Variants in LRP5 observed in about 807,000 individuals in gnomAD.
The protein encoded by LRP5 is LDL receptor related protein 5.
A neutral mutation model predicts 154.1 loss-of-function variants in LRP5; 62 were observed. The observed-to-expected ratio is 0.40, with a 90% CI of 0.33 to 0.50. The LOEUF (loss-of-function observed/expected upper bound fraction) is 0.50. LRP5 is among the 20% of genes least tolerant of loss of function. LRP5 has a pLI of 0.55. For synonymous variants in LRP5, 966 were observed against 1,011.5 expected (o/e 0.96, Z 0.85); for missense variants, 1,915 against 2,336.7 (o/e 0.82, Z 3.72).
Position 68,406,829 on chromosome 11 carries a change from A to C in LRP5, c.2091+16A>C. On this transcript the variant is annotated intron_variant, in intron 9 of 22. Coordinates refer to ENST00000294304, the MANE Select transcript of LRP5 (RefSeq NM_002335.4). Reference sequence around the variant, plus strand: ...CAGCCTGAAGGTAGCGTGGGCCAGAACGTGCACACAGGCAGCCTTTATGGG... The same window carrying C: ...CAGCCTGAAGGTAGCGTGGGCCAGACCGTGCACACAGGCAGCCTTTATGGG... 1 of 1,613,084 alleles carries C rather than the reference A, an allele frequency of 6.2e-7. No individual in the cohort carries two copies.
chr11:68,400,663 G>T (rs927402232), intron 7 of LRP5, among the ~76,000 whole-genome samples: 1 of 152,146 alleles, frequency 6.6e-6, no homozygotes, highest in Non-Finnish European at 1.5e-5. Context: ...GGGAGGCAAA[G>T]GTTGCAGTGA....
chr11:68,343,901 C>T (rs773855324), intron 1 of LRP5, among the ~76,000 whole-genome samples: 13 of 151,926 alleles, frequency 8.6e-5, no homozygotes, highest in African/African-American at 2.2e-4. Flanking sequence ...CTGAATGTGC[C>T]GGGGCCTGGG....
At chr11:68,421,357 G>A (rs559666944) in intron 13 of LRP5, among the ~76,000 whole-genome samples, 3 of 152,218 alleles carry the variant, frequency 2.0e-5, no homozygotes, top group South Asian at 2.1e-4. Flanking sequence ...AGGGTGTCAC[G>A]TCACACAGTA....
At chr11:68,299,036 T>C in the LRP5 span, among the ~76,000 whole-genome samples, 3 of 152,312 alleles carry the variant, frequency 2.0e-5, no homozygotes, top group Admixed American at 2.0e-4. Flanking sequence ...CGTCCCGATC[T>C]TGCCCCTACA....
chr11:68,357,541 G>A (rs2098624106), intron 2 of LRP5, 109 bp from the exon 3 acceptor site: 2 of 1,035,004 alleles, frequency 1.9e-6, no homozygotes, highest in Non-Finnish European at 3.0e-6. Context: ...TCCGATGGGT[G>A]AGATTTTAGG....
intron 5 of LRP5, among the ~76,000 whole-genome samples, chr11:68,374,776 C>G (rs1000451697): frequency 1.3e-5 from 2 of 152,184 alleles, no homozygotes; most frequent in Non-Finnish European, 1.5e-5. Flanking sequence ...CGCAGCTGTG[C>G]TCTTCTGCTT....
In LRP5 at chr11:68,434,917, A is replaced by AT. The variant is rs144494880; in HGVS notation, c.4000+1080dup. Among the ~76,000 whole-genome samples the AT allele has an allele frequency of 2.0e-3, 305 of 152,386 alleles. 4 individuals carry two copies. Among genetic ancestry groups the AT allele is most frequent in the African/African-American group, 7.1e-3 (296 of 41,598 alleles). ...TCCCTGCATGTTTTTCTATAAAGGC[A>AT]TAGTGGTTAAGTCCTTCCAGCTCAT... On this transcript the variant is annotated intron_variant, in intron 18 of 22. Coordinates refer to ENST00000294304, the MANE Select transcript of LRP5 (RefSeq NM_002335.4).
chr11:68,404,401 T>G, intron 8 of LRP5: 1 of 511,148 alleles, frequency 2.0e-6, no homozygotes, highest in Non-Finnish European at 3.8e-6. Flanking sequence ...TGCTGCTGCA[T>G]TGCCTGCAGT....
the LRP5 span, among the ~76,000 whole-genome samples, chr11:68,303,991 G>A: frequency 1.4e-4 from 21 of 152,340 alleles, no homozygotes; most frequent in African/African-American, 3.8e-4. Flanking sequence ...AGTTCAAGCC[G>A]GCAGTGGAGT....
Position 68,426,157 on chromosome 11 carries a change from G to A in LRP5, c.3607G>A (p.Ala1203Thr). 6.2e-7 allele frequency: 1 copy of A among 1,612,524 alleles called. No homozygotes were observed. Among genetic ancestry groups the A allele is most frequent in the Non-Finnish European group, 8.5e-7 (1 of 1,180,002 alleles). Reference sequence around the variant, plus strand: ...TGTCGCCCACCTCACTGGCATCCATGCAGTGGAGGAAGTCAGCCTGGAGGA... The same window carrying A: ...TGTCGCCCACCTCACTGGCATCCATACAGTGGAGGAAGTCAGCCTGGAGGA... ...GRVAHLTGIH[A>T]VEEVSLEEFS... The change falls in exon 16 of 23, where the codon GCA (alanine) becomes ACA (threonine). Residue 1203 changes from alanine to threonine, a missense_variant. Coordinates refer to ENST00000294304, the MANE Select transcript of LRP5 (RefSeq NM_002335.4).
At chr11:68,417,970 G>A (rs939270810) in intron 13 of LRP5, among the ~76,000 whole-genome samples, 2 of 151,940 alleles carry the variant, frequency 1.3e-5, no homozygotes, top group Non-Finnish European at 2.9e-5. Flanking sequence ...GTGCTGTAGC[G>A]GAAGTGAGCA....
chr11:68,413,005 C>T lies in LRP5; in HGVS notation c.2504-684C>T, dbSNP rs1451936591. The T allele has an allele frequency of 5.6e-6, 1 of 179,940 alleles. No individual in the cohort carries two copies. The highest frequency in any genetic ancestry group is 1.2e-5 in the Non-Finnish European group (1 of 84,076). The allele number at this position is 179,940 out of a possible 1,614,324, so 11.1% of individuals were successfully genotyped here. ...CAGTTGAACCCCGTGTCCTGGTTGT[C>T]GCTGGGGGTGGGCTGCACCCTGACT... On this transcript the variant is annotated intron_variant, in intron 11 of 22. Transcript: ENST00000294304. The surrounding 1 kb of genome is among the most constrained non-coding windows in gnomAD (Gnocchi z 5.1).
Position 68,375,582 on chromosome 11 carries a change from G to T in LRP5, c.1015+9880G>T, listed in dbSNP as rs372670344. Among the ~76,000 whole-genome samples the T allele has an allele frequency of 7.2e-5, 11 of 152,216 alleles. No homozygotes were observed. The East Asian group carries it at 1.3e-3, about 19-fold the overall frequency. On this transcript the variant is annotated intron_variant, in intron 5 of 22. Coordinates refer to ENST00000294304, the MANE Select transcript of LRP5 (RefSeq NM_002335.4). ...GCGCAGCCCTCTGAGAGTGTGGCAG[G>T]TGCACCAGGCTCTGCTCTAGGGAGC...
intron 7 of LRP5, among the ~76,000 whole-genome samples, chr11:68,402,740 T>C (rs1175242955): frequency 2.0e-5 from 3 of 152,222 alleles, no homozygotes; most frequent in Non-Finnish European, 4.4e-5. Flanking sequence ...CAGGCATTGC[T>C]AATTGATCCC....
upstream of LRP5, among the ~76,000 whole-genome samples, chr11:68,311,054 C>T (rs867998639): frequency 6.6e-6 from 1 of 152,010 alleles, no homozygotes; most frequent in African/African-American, 2.4e-5. Flanking sequence ...CAAGTGGGGA[C>T]GCATGAGTGG....
At chr11:68,317,779 G>T (rs1387650312) in intron 1 of LRP5, among the ~76,000 whole-genome samples, 3 of 152,142 alleles carry the variant, frequency 2.0e-5, no homozygotes, top group African/African-American at 4.8e-5. Flanking sequence ...TGGTGTGCCA[G>T]AGCCCGTGGC....
chr11:68,376,607 A>C (rs767514166), intron 5 of LRP5, among the ~76,000 whole-genome samples: 17 of 152,156 alleles, frequency 1.1e-4, no homozygotes, highest in Non-Finnish European at 2.2e-4. Context: ...TTCTCCACAG[A>C]GTTTCCATGT....
At chr11:68,435,167 G>T (rs544807284) in intron 18 of LRP5, among the ~76,000 whole-genome samples, 1 of 152,208 alleles carries the variant, frequency 6.6e-6, no homozygotes, top group Non-Finnish European at 1.5e-5. Context: ...CAGACCTCAC[G>T]TCTGGCCCTT....
intron 7 of LRP5, among the ~76,000 whole-genome samples, chr11:68,402,469 C>G (rs1234533525): frequency 2.0e-5 from 3 of 152,186 alleles, no homozygotes; most frequent in Non-Finnish European, 4.4e-5. Flanking sequence ...GACTTAGAAC[C>G]AGAAGTGCCC....
Sources: gnomAD v4.1 joint callset for allele counts (sites outside exome capture counted in the v4.1 genomes callset) on GRCh38, gnomAD v4.1.1 for gene constraint, Gnocchi (gnomAD v3.1) non-coding constraint, MANE v1.5 for transcripts, NCBI Gene and HGNC (gene_info 2026-07-23, HGNC 2026-07-21) for gene names.